The following SOX6 variants were observed in gnomAD, a reference collection of about 807,000 sequenced individuals.
SOX6 encodes transcription factor SOX-6.
In SOX6, 11 loss-of-function variants were observed where a neutral mutation model predicts 97.8. The observed-to-expected ratio is 0.11, with a 90% CI of 0.07 to 0.19. The LOEUF (loss-of-function observed/expected upper bound fraction) is 0.19, where lower values mean the gene tolerates loss of function less well. Ranked by LOEUF, SOX6 falls within the 10% of genes least tolerant of loss-of-function variation. SOX6 has a pLI of 1.00. For missense variants in SOX6, 810 were observed against 1,039.5 expected (o/e 0.78, Z 3.04); for synonymous variants, 360 against 371.4 (o/e 0.97, Z 0.35).
chr11:16,106,125 A>G (rs1475540062), intron 7 of SOX6, among the ~76,000 whole-genome samples: 2 of 152,092 alleles, frequency 1.3e-5, no homozygotes, highest in South Asian at 2.1e-4. Flanking sequence ...TGGCAATACT[A>G]CCCAAAGCAA....
chr11:15,979,948 T>C (rs1853611045), intron 15 of SOX6, among the ~76,000 whole-genome samples: 1 of 152,120 alleles, frequency 6.6e-6, no homozygotes, highest in South Asian at 2.1e-4. Context: ...ATAAGCTTCA[T>C]GAGACAAAAA....
At chr11:16,343,231 A>G (rs564399531) in intron 1 of SOX6, among the ~76,000 whole-genome samples, 3 of 152,098 alleles carry the variant, frequency 2.0e-5, no homozygotes, top group Non-Finnish European at 2.9e-5. Context: ...GTGATTTCCT[A>G]TTTCAGATAC....
intron 4 of SOX6, among the ~76,000 whole-genome samples, chr11:16,586,367 CAG>C (rs1276865241): frequency 5.3e-5 from 8 of 152,184 alleles, no homozygotes; most frequent in Admixed American, 6.5e-5. Context: ...TGTCTAAATA[CAG>C]AGAGAGACCT....
intron 3 of SOX6, among the ~76,000 whole-genome samples, chr11:16,702,966 C>A (rs959848483): frequency 6.7e-6 from 1 of 149,718 alleles, no homozygotes; most frequent in African/African-American, 2.4e-5. Context: ...ATAAATTCTT[C>A]CCCACACATA....
intron 9 of SOX6, among the ~76,000 whole-genome samples, chr11:16,081,767 T>C (rs2133956084): frequency 6.6e-6 from 1 of 152,314 alleles, no homozygotes; most frequent in Non-Finnish European, 1.5e-5. Context: ...TTCTAGTTAA[T>C]CAAAGATTTC....
At chr11:16,063,067 C>T (rs1387533062) in intron 9 of SOX6, among the ~76,000 whole-genome samples, 2 of 151,678 alleles carry the variant, frequency 1.3e-5, no homozygotes, top group African/African-American at 4.8e-5. Context: ...ACCTTTCAAG[C>T]ACATATCCAG....
At chr11:16,301,685 A>G (rs1855263091) in intron 3 of SOX6, among the ~76,000 whole-genome samples, 1 of 152,278 alleles carries the variant, frequency 6.6e-6, no homozygotes, top group African/African-American at 2.4e-5. Flanking sequence ...ATATGAATAG[A>G]ATGATAGATT....
chr11:16,027,721 A>T (rs1244663538), intron 12 of SOX6, among the ~76,000 whole-genome samples: 1 of 152,224 alleles, frequency 6.6e-6, no homozygotes, highest in East Asian at 1.9e-4. Flanking sequence ...AGTCAGCAAC[A>T]ATAATACAGG....
chr11:16,501,792 C>T (rs1468544732), intron 4 of SOX6, among the ~76,000 whole-genome samples: 1 of 152,158 alleles, frequency 6.6e-6, no homozygotes. Flanking sequence ...GAATGGCAAT[C>T]ATTGAAAAGT....
At chr11:16,019,358 T>C (rs2100178948) in intron 12 of SOX6, among the ~76,000 whole-genome samples, 1 of 152,138 alleles carries the variant, frequency 6.6e-6, no homozygotes, top group African/African-American at 2.4e-5. Flanking sequence ...CTAACCTTTA[T>C]TCAAAAGCTC....
chr11:16,438,669 T>C (rs1176445314), intron 1 of SOX6, among the ~76,000 whole-genome samples: 2 of 151,726 alleles, frequency 1.3e-5, no homozygotes, highest in Non-Finnish European at 2.9e-5. Flanking sequence ...TACCTATCTC[T>C]GTCGTTTGGT....
intron 3 of SOX6, among the ~76,000 whole-genome samples, chr11:16,645,304 A>G (rs1301681414): frequency 6.6e-6 from 1 of 152,194 alleles, no homozygotes; most frequent in African/African-American, 2.4e-5. Context: ...CCGTTGTTTC[A>G]CCACTACAAA....
At chr11:16,189,878 GA>G (rs1851584392) in intron 4 of SOX6, among the ~76,000 whole-genome samples, 1 of 151,906 alleles carries the variant, frequency 6.6e-6, no homozygotes, top group South Asian at 2.1e-4. Context: ...GCTTACACAG[GA>G]AATTTTGGGC....
At chr11:16,065,724 AGACCCCAT>A (rs1276045968) in intron 9 of SOX6, among the ~76,000 whole-genome samples, 2 of 152,272 alleles carry the variant, frequency 1.3e-5, no homozygotes, top group African/African-American at 4.8e-5. Context: ...GAATGAAACT[AGACCCCAT>A]CACTAGCCTT....
chr11:16,425,431 C>T (rs1859105236), intron 1 of SOX6, among the ~76,000 whole-genome samples: 1 of 152,186 alleles, frequency 6.6e-6, no homozygotes, highest in African/African-American at 2.4e-5. Flanking sequence ...TCTCTTACCA[C>T]TCCTATTCAG....
chr11:16,328,512 T>C (rs978866462), intron 2 of SOX6, among the ~76,000 whole-genome samples: 19 of 152,222 alleles, frequency 1.2e-4, no homozygotes, highest in Admixed American at 4.6e-4. Context: ...CCTTCCTTGG[T>C]ATGCAGTGCA....
chr11:16,566,598 G>A (rs976725018), intron 4 of SOX6, among the ~76,000 whole-genome samples: 2 of 152,216 alleles, frequency 1.3e-5, no homozygotes, highest in Non-Finnish European at 2.9e-5. Flanking sequence ...GAGATCCCCA[G>A]CTCTTTACCG....
At chr11:16,290,202 C>T (rs951765764) in intron 3 of SOX6, among the ~76,000 whole-genome samples, 12 of 151,794 alleles carry the variant, frequency 7.9e-5, no homozygotes, top group African/African-American at 2.9e-4. Context: ...AACCAAAGCA[C>T]AATAAGAGCA....
chr11:16,158,502 A>G (rs937385597), intron 6 of SOX6, among the ~76,000 whole-genome samples: 24 of 152,070 alleles, frequency 1.6e-4, no homozygotes, highest in African/African-American at 5.1e-4. Context: ...TATAAAAATC[A>G]TATGATAAAT....
Sources: allele counts gnomAD v4.1 joint callset (sites outside exome capture counted in the v4.1 genomes callset), GRCh38; gene constraint gnomAD v4.1.1; transcripts MANE v1.5; gene names NCBI Gene and HGNC (gene_info 2026-07-23, HGNC 2026-07-21).